Variants in HDAC9 observed in about 807,000 individuals in gnomAD.
The protein encoded by HDAC9 is histone deacetylase 9.
Under a neutral mutation model 139.4 loss-of-function variants are expected in HDAC9, and 41 were observed. That is an observed-to-expected ratio of 0.29 (90% confidence interval 0.23 to 0.38). The LOEUF (loss-of-function observed/expected upper bound fraction) is 0.38, where lower values mean the gene tolerates loss of function less well. Among genes scored for constraint, HDAC9 ranks in the 10% least tolerant of loss-of-function variants. HDAC9 has a pLI of 1.00. For synonymous variants in HDAC9, 517 were observed against 476.2 expected (o/e 1.09, Z -1.12); for missense variants, 1,147 against 1,297.0 (o/e 0.88, Z 1.78).
chr7:18,737,153 C>G (rs1786997372), intron 13 of HDAC9, among the ~76,000 whole-genome samples: 1 of 152,272 alleles, frequency 6.6e-6, no homozygotes, highest in East Asian at 1.9e-4. Flanking sequence ...TGCTAGCAGT[C>G]TATCAATTTT....
At position 18,454,773 on chromosome 7, in the gene HDAC9, A is replaced by G. The variant is rs913407442; in HGVS notation, c.-41-41489A>G. 4.6e-5 allele frequency among the ~76,000 whole-genome samples: 7 copies of G among 152,050 alleles called. No individual in the cohort carries two copies. In the South Asian group the frequency reaches 1.2e-3, roughly 27 times the overall value. On this transcript the variant is annotated intron_variant, in intron 1 of 3. Coordinates refer to the HDAC9 transcript ENST00000413509. ...AAATGTGGCATTGGATAATTAACCA[A>G]TTATATGAATTTTATTTAACTGTTT...
intron 15 of HDAC9, among the ~76,000 whole-genome samples, chr7:18,762,861 CTT>C (rs1434268125): frequency 6.6e-6 from 1 of 152,016 alleles, no homozygotes; most frequent in African/African-American, 2.4e-5. Flanking sequence ...TTTTTTGAAA[CTT>C]TATCGTCAGA....
intron 17 of HDAC9, among the ~76,000 whole-genome samples, chr7:18,796,373 C>T (rs1449711723): frequency 6.6e-6 from 1 of 152,192 alleles, no homozygotes; most frequent in Non-Finnish European, 1.5e-5. Context: ...TTTCTTCCCC[C>T]AGGGGATATT....
Position 18,509,090 on chromosome 7 carries a change from C to G in HDAC9, c.22+12766C>G, listed in dbSNP as rs543939180. Among the ~76,000 whole-genome samples, 106 of 152,324 alleles carry G rather than the reference C, an allele frequency of 7.0e-4. 2 individuals carry two copies. The Middle Eastern group carries it at 0.031, about 44-fold the overall frequency. ...CAGCTAAGAGCTATTTTTCCTCACA[C>G]ATTATGCTTTGTGAATAGGGAACAA... On this transcript the variant is annotated intron_variant, in intron 2 of 25. Coordinates refer to ENST00000686413, the MANE Select transcript of HDAC9 (RefSeq NM_178425.4).
intron 2 of HDAC9, among the ~76,000 whole-genome samples, chr7:18,514,160 G>T (rs935061031): frequency 2.6e-5 from 4 of 152,120 alleles, no homozygotes. Context: ...CGTTGTATGT[G>T]TATATGCATA....
At chr7:18,194,477 G>A (rs1461019518) in intron 2 of HDAC9, among the ~76,000 whole-genome samples, 1 of 152,006 alleles carries the variant, frequency 6.6e-6, no homozygotes, top group Non-Finnish European at 1.5e-5. Context: ...CCTCACCGTT[G>A]TCCCATCTCC....
At chr7:18,880,472 A>G (rs542450684) in intron 22 of HDAC9, among the ~76,000 whole-genome samples, 3 of 152,202 alleles carry the variant, frequency 2.0e-5, no homozygotes, top group Non-Finnish European at 4.4e-5. Flanking sequence ...CTATGCAGCC[A>G]TAAAAAAGAA....
intron 12 of HDAC9, among the ~76,000 whole-genome samples, chr7:18,720,985 TA>T (rs921942106): frequency 1.3e-5 from 2 of 152,136 alleles, no homozygotes; most frequent in African/African-American, 4.8e-5. Context: ...AGCCTATTTT[TA>T]TTTTCTTTTT....
At chr7:18,551,536 T>C (rs1398261132) in intron 2 of HDAC9, among the ~76,000 whole-genome samples, 1 of 152,082 alleles carries the variant, frequency 6.6e-6, no homozygotes, top group African/African-American at 2.4e-5. Flanking sequence ...ACCCTGACAA[T>C]GTGTGTCCTC....
intron 1 of HDAC9, among the ~76,000 whole-genome samples, chr7:18,329,874 C>T (rs528452573): frequency 2.0e-5 from 3 of 151,744 alleles, no homozygotes; most frequent in South Asian, 2.1e-4. Flanking sequence ...GTTTAACTAC[C>T]GTTTAGCTAG....
intron 16 of HDAC9, among the ~76,000 whole-genome samples, chr7:18,785,844 A>G (rs927552358): frequency 3.3e-5 from 5 of 152,128 alleles, no homozygotes; most frequent in African/African-American, 9.6e-5. Flanking sequence ...AATTTCATAT[A>G]TAAAACTGCT....
chr7:18,246,889 G>A (rs1794579220), intron 2 of HDAC9, among the ~76,000 whole-genome samples: 1 of 152,106 alleles, frequency 6.6e-6, no homozygotes, highest in South Asian at 2.1e-4. Flanking sequence ...GAGAGTGCTA[G>A]AAGGAATTGA....
At chr7:18,458,534 T>G (rs1793552223) in intron 1 of HDAC9, among the ~76,000 whole-genome samples, 1 of 152,238 alleles carries the variant, frequency 6.6e-6, no homozygotes, top group Non-Finnish European at 1.5e-5. Flanking sequence ...TTTTAAGTAC[T>G]GGATAACAAT....
At chr7:18,518,102 T>C (rs559606930) in intron 2 of HDAC9, 7 of 152,338 alleles carry the variant, frequency 4.6e-5, no homozygotes, top group African/African-American at 1.7e-4. Flanking sequence ...TTTGTTTTAA[T>C]TGAGCTTTTA....
At chr7:18,777,343 TTGG>T (rs60559162) in intron 16 of HDAC9, among the ~76,000 whole-genome samples, 2 of 472 alleles carry the variant, frequency 4.2e-3, no homozygotes, top group East Asian at 0.045. Flanking sequence ...TGCAAGTGGG[TTGG>T]TTTTTTTCCT....
rs760013344 is a variant in HDAC9 at position 18,767,105 on chromosome 7, G to A, written c.2165-1G>A. ...ATTTTTTATGTCTTCTTACTGTATA[G>A]GTGATGACTCTCAAAAGTTTTTTTC... On this transcript the variant is annotated splice_acceptor_variant, in intron 15 of 25. Coordinates refer to ENST00000686413, the MANE Select transcript of HDAC9 (RefSeq NM_178425.4). LOFTEE classifies it high-confidence loss of function. 6.5e-7 allele frequency: 1 copy of A among 1,532,774 alleles called. No individual in the cohort carries two copies. The highest frequency in any genetic ancestry group is 8.9e-7 in the Non-Finnish European group (1 of 1,122,902). The allele number at this position is 1,532,774 out of a possible 1,614,324, so 94.9% of individuals were successfully genotyped here.
At chr7:18,992,910 C>CTGGGGTTGATTTTATAGTTAT (rs2129352035) in intron 25 of HDAC9, among the ~76,000 whole-genome samples, 2 of 152,268 alleles carry the variant, frequency 1.3e-5, no homozygotes, top group East Asian at 3.9e-4. Flanking sequence ...ATAGTTATCT[C>CTGGGGTTGATTTTATAGTTAT]CGAACTTACT....
Position 18,789,874 on chromosome 7 carries a change from A to T in HDAC9, c.2215-3471A>T, listed in dbSNP as rs1373900845. On this transcript the variant is annotated intron_variant, in intron 16 of 25. Transcript: ENST00000686413. ...TCCTACTGTCAAGATGTTCTTCAGC[A>T]GTTGAAATCAGAGCTCTCTTAAGGA... Among the ~76,000 whole-genome samples, 3 of 152,156 alleles carry T rather than the reference A, an allele frequency of 2.0e-5. No individual in the cohort carries two copies. In the East Asian group the frequency reaches 5.8e-4, roughly 29 times the overall value.
chr7:18,660,514 A>G (rs1431316559), intron 11 of HDAC9, among the ~76,000 whole-genome samples: 1 of 152,166 alleles, frequency 6.6e-6, no homozygotes, highest in East Asian at 1.9e-4. Flanking sequence ...GTGTTATGCA[A>G]TGTATCAGGT....
Sources: allele counts gnomAD v4.1 joint callset (sites outside exome capture counted in the v4.1 genomes callset), GRCh38; gene constraint gnomAD v4.1.1; transcripts MANE v1.5; gene names NCBI Gene and HGNC (gene_info 2026-07-23, HGNC 2026-07-21).